ANTXR1: variants seen among roughly 807,000 people sequenced by gnomAD.
ANTXR1 encodes the protein ANTXR cell adhesion molecule 1, also known as anthrax toxin receptor 1.
In ANTXR1, 19 loss-of-function variants were observed where a neutral mutation model predicts 78.1. The observed-to-expected ratio is 0.24, with a 90% CI of 0.17 to 0.36. The LOEUF is 0.36. Ranked by LOEUF, ANTXR1 falls within the 10% of genes least tolerant of loss-of-function variation. The pLI, the probability that ANTXR1 is intolerant of heterozygous loss-of-function variation, is 1.00. For missense variants in ANTXR1, 518 were observed against 718.6 expected (o/e 0.72, Z 3.19); for synonymous variants, 273 against 260.5 (o/e 1.05, Z -0.46).
chr2:69,099,790 C>T (rs1273317159), intron 9 of ANTXR1, among the ~76,000 whole-genome samples: 1 of 152,170 alleles, frequency 6.6e-6, no homozygotes. Flanking sequence ...TATCCTTCCC[C>T]TTTATTCTCT....
At chr2:69,070,573 G>A in intron 3 of ANTXR1, 74 bp from the exon 4 acceptor site, 1 of 1,360,306 alleles carries the variant, frequency 7.4e-7, no homozygotes, top group Non-Finnish European at 1.1e-6. Flanking sequence ...GTAAGAAGAA[G>A]ACTAGTACTT....
intron 1 of ANTXR1, among the ~76,000 whole-genome samples, chr2:69,032,267 G>T (rs1671550761): frequency 6.6e-6 from 1 of 152,152 alleles, no homozygotes; most frequent in Admixed American, 6.5e-5. Flanking sequence ...GATGCTTGGG[G>T]AAAAGTCTGA....
intron 17 of ANTXR1, among the ~76,000 whole-genome samples, chr2:69,228,034 T>G (rs1675501226): frequency 6.6e-6 from 1 of 152,240 alleles, no homozygotes; most frequent in Non-Finnish European, 1.5e-5. Context: ...TGAGAGACAG[T>G]TATCAATCTC....
chr2:69,029,029 C>A (rs936596033), intron 1 of ANTXR1, among the ~76,000 whole-genome samples: 1 of 138,928 alleles, frequency 7.2e-6, no homozygotes, highest in African/African-American at 3.2e-5. Context: ...CCAGCCTGGG[C>A]AACATGTTGA....
chr2:69,227,879 C>A (rs1452927247), intron 17 of ANTXR1, among the ~76,000 whole-genome samples: 5 of 152,240 alleles, frequency 3.3e-5, no homozygotes, highest in Non-Finnish European at 5.9e-5. Flanking sequence ...ATCCTTGCAC[C>A]ACACTAGGTC....
intron 12 of ANTXR1, among the ~76,000 whole-genome samples, 198 bp downstream of exon 12, chr2:69,124,841 T>C (rs1672479419): frequency 6.6e-6 from 1 of 152,164 alleles, no homozygotes; most frequent in Non-Finnish European, 1.5e-5. Context: ...GTATCAGGCA[T>C]GTCTGTGTTA....
intron 10 of ANTXR1, among the ~76,000 whole-genome samples, chr2:69,118,662 C>T (rs1230021719): frequency 1.3e-5 from 2 of 152,106 alleles, no homozygotes; most frequent in African/African-American, 4.8e-5. Context: ...GATCGCGGCC[C>T]CACATATGTC....
chr2:69,065,221 C>A (rs1313719931), intron 3 of ANTXR1, among the ~76,000 whole-genome samples: 1 of 151,834 alleles, frequency 6.6e-6, no homozygotes, highest in Non-Finnish European at 1.5e-5. Context: ...GTCAGGAGAT[C>A]GAGACCATCC....
intron 8 of ANTXR1, among the ~76,000 whole-genome samples, chr2:69,079,849 G>A (rs1205724865): frequency 6.6e-6 from 1 of 152,182 alleles, no homozygotes; most frequent in East Asian, 1.9e-4. Context: ...AACTCCAAGT[G>A]TTGTTTCCCA....
At chr2:69,040,830 T>C (rs959485094) in intron 2 of ANTXR1, among the ~76,000 whole-genome samples, 45 of 152,226 alleles carry the variant, frequency 3.0e-4, no homozygotes, top group Non-Finnish European at 6.0e-4. Flanking sequence ...AAAATTGGTC[T>C]GATCATCGTA....
At position 69,038,270 on chromosome 2, in the gene ANTXR1, T is replaced by A. The variant is rs538853714; in HGVS notation, c.153-1774T>A. 1.6e-4 allele frequency among the ~76,000 whole-genome samples: 25 copies of A among 152,218 alleles called. No homozygotes were observed. In the South Asian group the frequency reaches 3.9e-3, roughly 24 times the overall value. ...ATCTCTGCACCTTAGGCAGCTAGAGTAGTGCTGGGTGATGTTATTTTTAAT... is the reference window on the plus strand; with the variant it reads ...ATCTCTGCACCTTAGGCAGCTAGAGAAGTGCTGGGTGATGTTATTTTTAAT... On this transcript the variant is annotated intron_variant, in intron 1 of 17. Coordinates refer to ENST00000303714, the MANE Select transcript of ANTXR1 (RefSeq NM_032208.3).
intron 10 of ANTXR1, among the ~76,000 whole-genome samples, chr2:69,106,567 G>T (rs7600352): frequency 1.3e-5 from 2 of 152,198 alleles, no homozygotes; most frequent in Middle Eastern, 3.2e-3. Context: ...GCTCCAGCAG[G>T]ATACACCAAT....
chr2:69,086,661 G>GCACACGTGAAC (rs1553360889), intron 8 of ANTXR1, among the ~76,000 whole-genome samples: 2 of 152,032 alleles, frequency 1.3e-5, no homozygotes, highest in Non-Finnish European at 2.9e-5. Context: ...TGGGGCGTAA[G>GCACACGTGAAC]CACATGTGAA....
intron 10 of ANTXR1, among the ~76,000 whole-genome samples, chr2:69,110,690 C>T (rs1440692888): frequency 6.6e-6 from 1 of 152,108 alleles, no homozygotes; most frequent in Non-Finnish European, 1.5e-5. Context: ...GAAACCCCGT[C>T]TCCACTAAAA....
intron 3 of ANTXR1, among the ~76,000 whole-genome samples, chr2:69,067,019 A>G (rs1273301299): frequency 6.6e-6 from 1 of 152,188 alleles, no homozygotes; most frequent in Non-Finnish European, 1.5e-5. Context: ...TCAGTTTCCA[A>G]GAGAAAATAA....
intron 13 of ANTXR1, among the ~76,000 whole-genome samples, chr2:69,166,066 T>C (rs1015160872): frequency 6.6e-6 from 1 of 152,216 alleles, no homozygotes; most frequent in African/African-American, 2.4e-5. Flanking sequence ...CTTTCTACTC[T>C]ATTCGTACTA....
chr2:69,098,100 G>A (rs78330378), intron 9 of ANTXR1, among the ~76,000 whole-genome samples: 5,895 of 152,264 alleles, frequency 0.039, 386 homozygotes, highest in African/African-American at 0.13. Flanking sequence ...AGGGAGGGCT[G>A]GGAGGAGAGA....
At chr2:69,044,687 G>A (rs1242591587) in intron 2 of ANTXR1, 55 bp from the exon 3 acceptor site, 3 of 1,565,374 alleles carry the variant, frequency 1.9e-6, no homozygotes, top group Non-Finnish European at 2.6e-6. Flanking sequence ...AGCCTGAAGG[G>A]AGTGGCATGC....
rs182298051 is a variant in ANTXR1 at position 69,132,016 on chromosome 2, G to C, written c.951+7373G>C. Among the ~76,000 whole-genome samples the C allele has an allele frequency of 1.5e-3, 228 of 152,220 alleles. 2 individuals carry two copies. The highest frequency in any genetic ancestry group is 0.01 in the Middle Eastern group (3 of 294). ...GGGTGTAGAAATAGCCCACTAACTG[G>C]ATCAAGATTCTGGGCAGGCCTCTAG... On this transcript the variant is annotated intron_variant, in intron 12 of 17. Transcript: ENST00000303714.
Sources: gnomAD v4.1 joint callset for allele counts (sites outside exome capture counted in the v4.1 genomes callset) on GRCh38, gnomAD v4.1.1 for gene constraint, MANE v1.5 for transcripts, NCBI Gene and HGNC (gene_info 2026-07-23, HGNC 2026-07-21) for gene names.